Variants in SLC1A3 observed in about 807,000 individuals in gnomAD.
The protein encoded by SLC1A3 is solute carrier family 1 member 3, also known as excitatory amino acid transporter 1.
A neutral mutation model predicts 48.1 loss-of-function variants in SLC1A3; 21 were observed. The ratio of observed to expected loss-of-function variants is 0.44; its 90% CI spans 0.31 to 0.63. The LOEUF (loss-of-function observed/expected upper bound fraction) is 0.63. Ranked by LOEUF, SLC1A3 falls within the 20% of genes least tolerant of loss-of-function variation. The pLI, the probability that SLC1A3 is intolerant of heterozygous loss-of-function variation, is 0.08. For missense variants in SLC1A3, 546 were observed against 689.0 expected (o/e 0.79, Z 2.32); for synonymous variants, 239 against 251.4 (o/e 0.95, Z 0.47).
chr5:36,639,901 C>T (rs1158458402), intron 3 of SLC1A3, among the ~76,000 whole-genome samples: 1 of 152,194 alleles, frequency 6.6e-6, no homozygotes, highest in Non-Finnish European at 1.5e-5. Flanking sequence ...GAATAGACTT[C>T]TAAACTGATT....
chr5:36,670,805 G>A (rs1175907557), intron 3 of SLC1A3: 17 of 585,046 alleles, frequency 2.9e-5, no homozygotes, highest in Middle Eastern at 4.6e-4. Context: ...GGCAGAAAAT[G>A]AGTGACTGCA....
rs547834086 is a variant in SLC1A3 at position 36,677,069 on chromosome 5, T to G, written c.745T>G (p.Phe249Val). The G allele has an allele frequency of 1.9e-6, 3 of 1,614,154 alleles. No homozygotes were observed. The highest frequency in any genetic ancestry group is 3.3e-5 in the Admixed American group (2 of 60,026). ...AGTCAATGCCCTGGGTCTAGTTGTCTTCTCCATGTGCTTCGGTTTTGTGAT... is the reference window on the plus strand; with the variant it reads ...AGTCAATGCCCTGGGTCTAGTTGTCGTCTCCATGTGCTTCGGTTTTGTGAT... The part of the protein sequence containing the change: ...NGVNALGLVV[F>V]SMCFGFVIGN... Residue 249 changes from phenylalanine to valine, a missense_variant, in exon 6 of 10, where the codon TTC (phenylalanine) becomes GTC (valine). By Grantham distance (50) the Phe-to-Val change is conservative. Coordinates refer to ENST00000265113, the MANE Select transcript of SLC1A3 (RefSeq NM_004172.5).
At chr5:36,673,663 T>C (rs1580030594) in intron 4 of SLC1A3, among the ~76,000 whole-genome samples, 1 of 152,238 alleles carries the variant, frequency 6.6e-6, no homozygotes, top group East Asian at 1.9e-4. Flanking sequence ...ATTTGGTTCC[T>C]AGACACATGG....
At chr5:36,616,475 T>C (rs999844816) in intron 2 of SLC1A3, among the ~76,000 whole-genome samples, 3 of 152,158 alleles carry the variant, frequency 2.0e-5, no homozygotes, top group African/African-American at 7.2e-5. Flanking sequence ...CAACCAAGGT[T>C]TGAATTTCAA....
At chr5:36,624,574 G>A (rs544462703) in intron 2 of SLC1A3, among the ~76,000 whole-genome samples, 5 of 152,314 alleles carry the variant, frequency 3.3e-5, no homozygotes, top group East Asian at 1.9e-4. Context: ...GATACAATGC[G>A]TGAGGCAATG....
rs1742653536 is a variant in SLC1A3, at chr5:36,686,464, A to G, written c.*195A>G. On this transcript the variant is annotated 3_prime_UTR_variant, in exon 10 of 10. Transcript: ENST00000265113. ...CAAAGTGTACAATTTTCATCCCACA[A>G]TTGAAATTTTTAAATCATTTCATGT... 1 of 599,960 alleles carries G rather than the reference A, an allele frequency of 1.7e-6. No homozygotes were observed. 37.2% of individuals were successfully genotyped at this position (599,960 alleles called of 1,614,324 possible).
intron 3 of SLC1A3, among the ~76,000 whole-genome samples, chr5:36,665,071 C>T (rs1741683786): frequency 6.6e-6 from 1 of 152,194 alleles, no homozygotes; most frequent in African/African-American, 2.4e-5. Context: ...CAAGGTTTGT[C>T]TCTTGTTGTT....
intron 2 of SLC1A3, chr5:36,609,054 T>C (rs1739085841): frequency 1.0e-6 from 1 of 992,894 alleles, no homozygotes; most frequent in African/African-American, 1.7e-5. Context: ...GACTTGAAGC[T>C]GAGTATCAAC....
intron 2 of SLC1A3, among the ~76,000 whole-genome samples, chr5:36,619,695 T>G (rs1347642663): frequency 6.6e-6 from 1 of 152,204 alleles, no homozygotes; most frequent in African/African-American, 2.4e-5. Flanking sequence ...AAATCATAAG[T>G]GTGAGACAGG....
intron 3 of SLC1A3, chr5:36,667,748 A>C (rs1386964131): frequency 6.6e-6 from 1 of 152,246 alleles, no homozygotes; most frequent in Admixed American, 6.5e-5. Context: ...GTGTCATTGT[A>C]AGTGAAAGAG....
chr5:36,636,001 C>T (rs1179681478), intron 3 of SLC1A3: 1 of 146,484 alleles, frequency 6.8e-6, no homozygotes, highest in South Asian at 2.2e-4. Context: ...GTGGGGTAAA[C>T]TTTTTTTGCA....
At chr5:36,665,597 C>T (rs1026730862) in intron 3 of SLC1A3, among the ~76,000 whole-genome samples, 1 of 152,210 alleles carries the variant, frequency 6.6e-6, no homozygotes, top group African/African-American at 2.4e-5. Context: ...TAACACCTAA[C>T]ATTTGTTGAA....
intron 3 of SLC1A3, among the ~76,000 whole-genome samples, chr5:36,662,563 C>A (rs1199723084): frequency 1.3e-5 from 2 of 152,184 alleles, no homozygotes; most frequent in East Asian, 3.8e-4. Flanking sequence ...CTCTCTGGTT[C>A]CTCTTCAAAA....
chr5:36,682,377 A>T (rs567025405), intron 8 of SLC1A3, among the ~76,000 whole-genome samples: 1 of 152,332 alleles, frequency 6.6e-6, no homozygotes, highest in East Asian at 1.9e-4. Context: ...GAAAAGGCTG[A>T]TCAGGGCCAG....
rs139902702 is a variant in SLC1A3, at chr5:36,616,829, A to T, written c.181+8225A>T. Among the ~76,000 whole-genome samples, 832 of 152,344 alleles carry T rather than the reference A, an allele frequency of 5.5e-3. 15 individuals are homozygous for T. Among genetic ancestry groups the T allele is most frequent in the African/African-American group, 0.019 (799 of 41,570 alleles). On this transcript the variant is annotated intron_variant, in intron 2 of 9. Transcript: ENST00000265113. ...AGCTACTTGATGAATGTGAAGAGAA[A>T]CATCAAGAAGGAAATTATGAGTCTA...
chr5:36,678,273 TG>T (rs1742292734), intron 6 of SLC1A3, among the ~76,000 whole-genome samples: 1 of 152,166 alleles, frequency 6.6e-6, no homozygotes, highest in African/African-American at 2.4e-5. Context: ...GATATGAACT[TG>T]GGCACAAAGA....
rs1739036488 is a variant in SLC1A3, at chr5:36,608,184, C to T, written c.-95-145C>T. ...GTGGTCCACTAAAATATGCACACTGCAACCTTGAGGTCTGGTATTGTGGCT... is the reference window on the plus strand; with the variant it reads ...GTGGTCCACTAAAATATGCACACTGTAACCTTGAGGTCTGGTATTGTGGCT... On this transcript the variant is annotated intron_variant, in intron 1 of 9. Coordinates refer to ENST00000265113, the MANE Select transcript of SLC1A3 (RefSeq NM_004172.5). 30 of 515,126 alleles carry T rather than the reference C, an allele frequency of 5.8e-5. 1 individual carries two copies. In the South Asian group the frequency reaches 8.5e-4, roughly 15 times the overall value. 31.9% of individuals were successfully genotyped at this position (515,126 alleles called of 1,614,324 possible). A position where few individuals can be genotyped will look rare whatever the true frequency, so the allele number is the denominator to read the frequency against.
intron 3 of SLC1A3, among the ~76,000 whole-genome samples, chr5:36,640,758 G>GA (rs1272587302): frequency 2.0e-5 from 3 of 152,044 alleles, no homozygotes; most frequent in Middle Eastern, 3.4e-3. Flanking sequence ...ACTGTTAAGG[G>GA]AAAAAAGAGG....
At position 36,683,886 on chromosome 5, in the gene SLC1A3, A is replaced by G; in HGVS notation, c.1312A>G (p.Ile438Val). 2.5e-6 allele frequency: 4 copies of G among 1,614,154 alleles called. No homozygotes were observed. Among genetic ancestry groups the G allele is most frequent in the South Asian group, 1.1e-5 (1 of 91,072 alleles). ...TISITATAAS[I>V]GAAGIPQAGL... is the part of the protein sequence containing the mutation. ...CAGCATCACAGCCACAGCTGCCAGTATTGGGGCAGCTGGAATTCCTCAGGC... is the reference window on the plus strand; with the variant it reads ...CAGCATCACAGCCACAGCTGCCAGTGTTGGGGCAGCTGGAATTCCTCAGGC... The change falls in exon 9 of 10, where the codon ATT (isoleucine) becomes GTT (valine). Residue 438 changes from isoleucine to valine, a missense_variant. Around this residue, in one of 3 missense-constraint regions of SLC1A3, gnomAD observed 142 missense variants for 238.0 expected, o/e 0.60. Coordinates refer to ENST00000265113, the MANE Select transcript of SLC1A3 (RefSeq NM_004172.5).
Sources: gnomAD v4.1 joint callset for allele counts (sites outside exome capture counted in the v4.1 genomes callset) on GRCh38, gnomAD v4.1.1 for gene constraint, gnomAD v4.1.1 regional missense constraint, MANE v1.5 for transcripts, NCBI Gene and HGNC (gene_info 2026-07-23, HGNC 2026-07-21) for gene names.